The following MSI2 variants were observed in gnomAD, a reference collection of about 807,000 sequenced individuals.
MSI2 encodes the protein RNA-binding protein Musashi homolog 2.
In MSI2, 17 loss-of-function variants were observed where a neutral mutation model predicts 45.6. That is an observed-to-expected ratio of 0.37 (90% CI 0.26 to 0.56). The LOEUF (loss-of-function observed/expected upper bound fraction) is 0.56, where lower values mean the gene tolerates loss of function less well. Among genes scored for constraint, MSI2 ranks in the 20% least tolerant of loss-of-function variants. The pLI is 0.77. For missense variants in MSI2, 293 were observed against 444.2 expected (o/e 0.66, Z 3.06); for synonymous variants, 156 against 158.2 (o/e 0.99, Z 0.11).
intron 6 of MSI2, among the ~76,000 whole-genome samples, chr17:57,510,825 G>A (rs1567868162): frequency 6.6e-6 from 1 of 152,212 alleles, no homozygotes; most frequent in Non-Finnish European, 1.5e-5. Context: ...ATAGGCTTAT[G>A]GCACATTTTT....
chr17:57,415,492 G>A (rs118100724), intron 6 of MSI2, among the ~76,000 whole-genome samples: 2 of 152,282 alleles, frequency 1.3e-5, no homozygotes, highest in Non-Finnish European at 2.9e-5. Context: ...CTGGGCTATT[G>A]ATTCAACTGT....
intron 5 of MSI2, among the ~76,000 whole-genome samples, chr17:57,333,881 G>C (rs1269332461): frequency 1.3e-5 from 2 of 151,916 alleles, no homozygotes; most frequent in Admixed American, 1.3e-4. Context: ...CTCTTGTCTC[G>C]AGCTACAGTG....
rs532507657 is a variant in MSI2 at position 57,407,548 on chromosome 17, G to T, written c.405+6077G>T. Among the ~76,000 whole-genome samples, 144 of 152,312 alleles carry T rather than the reference G, an allele frequency of 9.5e-4. No individual in the cohort carries two copies. Among genetic ancestry groups the T allele is most frequent in the Non-Finnish European group, 1.7e-3 (114 of 68,024 alleles). On this transcript the variant is annotated intron_variant, in intron 6 of 13. Transcript: ENST00000284073. The surrounding 1 kb of genome is among the most constrained non-coding windows in gnomAD (Gnocchi z 4.1). ...GAGGCTTGGAAAACAAAAGTCTTGT[G>T]TGTCCTTTGTGGACATCTGAGCTCC...
At chr17:57,485,298 G>A (rs2085730285) in intron 6 of MSI2, among the ~76,000 whole-genome samples, 1 of 152,216 alleles carries the variant, frequency 6.6e-6, no homozygotes, top group African/African-American at 2.4e-5. Context: ...AGTTTTCTCT[G>A]TTGGGTTACT....
Position 57,467,746 on chromosome 17 carries a change from T to C in MSI2, c.406-61930T>C, listed in dbSNP as rs114514059. ...CTGGTCCTAGGGAATCCCGACAGTCTTCCGTGAACATTTACGGATGTCTGT... is the reference window on the plus strand; with the variant it reads ...CTGGTCCTAGGGAATCCCGACAGTCCTCCGTGAACATTTACGGATGTCTGT... On this transcript the variant is annotated intron_variant, in intron 6 of 13. Coordinates refer to ENST00000284073, the MANE Select transcript of MSI2 (RefSeq NM_138962.4). Among the ~76,000 whole-genome samples the C allele has an allele frequency of 5.9e-3, 903 of 152,176 alleles. 10 individuals carry two copies. The highest frequency in any genetic ancestry group is 0.02 in the African/African-American group (849 of 41,546).
chr17:57,478,803 T>A (rs2085591634), intron 6 of MSI2, among the ~76,000 whole-genome samples: 1 of 152,216 alleles, frequency 6.6e-6, no homozygotes, highest in African/African-American at 2.4e-5. Context: ...TCCCCCACCA[T>A]TGCTGAAATA....
chr17:57,637,890 C>T (rs1435092055), intron 10 of MSI2, among the ~76,000 whole-genome samples: 1 of 152,210 alleles, frequency 6.6e-6, no homozygotes, highest in African/African-American at 2.4e-5. Flanking sequence ...CCGTGCCCAC[C>T]AGATCTCATT....
rs767917214 is a variant in MSI2, at chr17:57,675,046, G to A, written c.865G>A (p.Ala289Thr). 6.2e-7 allele frequency: 1 copy of A among 1,614,104 alleles called. No homozygotes were observed. Among genetic ancestry groups the A allele is most frequent in the South Asian group, 1.1e-5 (1 of 91,074 alleles). Residue 289 changes from alanine to threonine, a missense_variant, in exon 12 of 14, where the codon GCC (alanine) becomes ACC (threonine). Ala to Thr is a moderately conservative substitution (Grantham distance 58). Transcript: ENST00000284073. ...ACCTGTCGCCGATCTCTACGGCCCTGCCAGCCAGGACTCCGGAGTGGGGAA... is the reference window on the plus strand; with the variant it reads ...ACCTGTCGCCGATCTCTACGGCCCTACCAGCCAGGACTCCGGAGTGGGGAA... ...PGPVADLYGP[A>T]SQDSGVGNYI...
chr17:57,674,781 C>T (rs1288670862), intron 11 of MSI2, 191 bp from the exon 12 acceptor site: 1 of 722,534 alleles, frequency 1.4e-6, no homozygotes, highest in Non-Finnish European at 2.2e-6. Context: ...TTCTTGAGTC[C>T]CTGCTGATGT....
intron 6 of MSI2, among the ~76,000 whole-genome samples, chr17:57,429,427 C>T (rs770970654): frequency 1.4e-4 from 21 of 152,226 alleles, no homozygotes; most frequent in Non-Finnish European, 2.1e-4. Context: ...TCCAGTGACT[C>T]CTGCTGCCGC....
At chr17:57,689,302 G>T (rs1279055120), downstream of MSI2, among the ~76,000 whole-genome samples, 4 of 151,748 alleles carry the variant, frequency 2.6e-5, no homozygotes, top group African/African-American at 9.7e-5. Flanking sequence ...TCCATTTTTT[G>T]AATAATAAAA....
At chr17:57,527,666 AG>A (rs1567878940) in intron 6 of MSI2, among the ~76,000 whole-genome samples, 1 of 152,224 alleles carries the variant, frequency 6.6e-6, no homozygotes, top group African/African-American at 2.4e-5. Flanking sequence ...GGAAGGCCCC[AG>A]GAGCCTGTTT....
chr17:57,487,082 G>A (rs2085768888), intron 6 of MSI2, among the ~76,000 whole-genome samples: 1 of 152,238 alleles, frequency 6.6e-6, no homozygotes, highest in African/African-American at 2.4e-5. Flanking sequence ...GGCAGAGGCA[G>A]GCAATATGGC....
chr17:57,468,011 A>G (rs1598303103), intron 6 of MSI2, among the ~76,000 whole-genome samples: 1 of 151,668 alleles, frequency 6.6e-6, no homozygotes, highest in Non-Finnish European at 1.5e-5. Flanking sequence ...TGGTCTGTCA[A>G]CTAAAGTCGT....
chr17:57,417,693 G>A (rs753656259), intron 6 of MSI2, among the ~76,000 whole-genome samples: 2 of 152,132 alleles, frequency 1.3e-5, no homozygotes, highest in Non-Finnish European at 2.9e-5. Flanking sequence ...ATTGCCTCCC[G>A]GATGTGATTA....
chr17:57,352,186 T>G (rs982629446), intron 5 of MSI2, among the ~76,000 whole-genome samples: 11 of 152,222 alleles, frequency 7.2e-5, no homozygotes, highest in Non-Finnish European at 1.6e-4. Context: ...TAAATGAATC[T>G]GGATGTTAAG....
chr17:57,400,663 T>C (rs1451628156), intron 5 of MSI2, among the ~76,000 whole-genome samples: 1 of 152,032 alleles, frequency 6.6e-6, no homozygotes, highest in Non-Finnish European at 1.5e-5. Context: ...TAAATAACTA[T>C]TTTGAATTTT....
Position 57,667,686 on chromosome 17 carries a change from C to G in MSI2, c.791-7286C>G, listed in dbSNP as rs564658035. The stretch of plus-strand genomic sequence containing the variant: ...TGACCTCGGCTCCAGAAAGTTCTTT[C>G]CTTGGCCTCATGACAAAAGCCTGGT... On this transcript the variant is annotated intron_variant, in intron 11 of 13. Transcript: ENST00000284073. Among the ~76,000 whole-genome samples the G allele has an allele frequency of 3.3e-5, 5 of 152,302 alleles. No homozygotes were observed. The East Asian group carries it at 9.7e-4, about 29-fold the overall frequency.
intron 6 of MSI2, among the ~76,000 whole-genome samples, chr17:57,464,013 G>GTC (rs1291304652): frequency 7.8e-6 from 1 of 128,314 alleles, no homozygotes; most frequent in African/African-American, 2.7e-5. Context: ...GTGTGTGTGT[G>GTC]TGTGTGTATG....
Sources: gnomAD v4.1 joint callset for allele counts (sites outside exome capture counted in the v4.1 genomes callset) on GRCh38, gnomAD v4.1.1 for gene constraint, Gnocchi (gnomAD v3.1) non-coding constraint, MANE v1.5 for transcripts, NCBI Gene and HGNC (gene_info 2026-07-23, HGNC 2026-07-21) for gene names.